Variants in PPM1H observed in about 807,000 individuals in gnomAD.
PPM1H encodes the protein protein phosphatase, Mg2+/Mn2+ dependent 1H.
A neutral mutation model predicts 54.9 loss-of-function variants in PPM1H; 27 were observed. That is an observed-to-expected ratio of 0.49 (90% CI 0.36 to 0.68). PPM1H has a LOEUF of 0.68. PPM1H is among the 30% of genes least tolerant of loss of function. PPM1H has a pLI of 0.00. For synonymous variants in PPM1H, 305 were observed against 270.8 expected, an observed-to-expected ratio of 1.13 and a Z score of -1.24; for missense variants, 596 against 667.8, an observed-to-expected ratio of 0.89 and a Z score of 1.19.
intron 9 of PPM1H, among the ~76,000 whole-genome samples, chr12:62,661,941 C>T (rs1450857250): frequency 2.0e-5 from 3 of 151,110 alleles, no homozygotes; most frequent in Admixed American, 2.0e-4. Context: ...TTCATTCATT[C>T]ATCCATCTGA....
At chr12:62,821,290 T>A (rs2076901910) in intron 2 of PPM1H, among the ~76,000 whole-genome samples, 1 of 152,134 alleles carries the variant, frequency 6.6e-6, no homozygotes, top group South Asian at 2.1e-4. Context: ...CAAATCTACA[T>A]TTGTTTGGTG....
intron 1 of PPM1H, among the ~76,000 whole-genome samples, chr12:62,846,826 C>T (rs1240687292): frequency 4.6e-5 from 7 of 152,170 alleles, no homozygotes; most frequent in Non-Finnish European, 8.8e-5. Context: ...GTAAGTAGCA[C>T]AGTGCTCATA....
intron 8 of PPM1H, among the ~76,000 whole-genome samples, chr12:62,668,587 A>T (rs1247736070): frequency 6.6e-6 from 1 of 152,134 alleles, no homozygotes; most frequent in Non-Finnish European, 1.5e-5. Flanking sequence ...GCTGGGTCCC[A>T]GCTGGTCTGG....
At chr12:62,914,084 C>T (rs1871546198) in intron 1 of PPM1H, among the ~76,000 whole-genome samples, 1 of 152,166 alleles carries the variant, frequency 6.6e-6, no homozygotes, top group African/African-American at 2.4e-5. Flanking sequence ...AATCTGATCC[C>T]CAATGTTGAA....
At chr12:62,781,825 T>A (rs118156684) in intron 4 of PPM1H, among the ~76,000 whole-genome samples, 96 of 152,334 alleles carry the variant, frequency 6.3e-4, no homozygotes, top group Non-Finnish European at 1.3e-3. Context: ...GAGCCATCAC[T>A]TGGTTTCTGT....
intron 1 of PPM1H, among the ~76,000 whole-genome samples, chr12:62,835,358 G>A (rs756355451): frequency 2.0e-5 from 3 of 152,224 alleles, no homozygotes; most frequent in African/African-American, 7.2e-5. Context: ...CATGACTGGC[G>A]CAAGGTCACA....
intron 4 of PPM1H, among the ~76,000 whole-genome samples, chr12:62,749,457 TGCA>T (rs769044444): frequency 6.6e-6 from 1 of 152,206 alleles, no homozygotes; most frequent in Non-Finnish European, 1.5e-5. Context: ...TCTGTTTGGA[TGCA>T]GCAGAAGTGT....
intron 1 of PPM1H, among the ~76,000 whole-genome samples, chr12:62,846,655 C>T (rs1178771958): frequency 6.6e-6 from 1 of 152,010 alleles, no homozygotes; most frequent in South Asian, 2.1e-4. Flanking sequence ...ACAAAAAGCA[C>T]CCAGTTGCTA....
intron 1 of PPM1H, among the ~76,000 whole-genome samples, chr12:62,881,317 G>A (rs1870385989): frequency 6.6e-6 from 1 of 152,054 alleles, no homozygotes; most frequent in Non-Finnish European, 1.5e-5. Context: ...AAGGGATTTT[G>A]CAGATGTAAT....
At chr12:62,663,915 T>C (rs1041457131) in intron 9 of PPM1H, among the ~76,000 whole-genome samples, 24 of 151,446 alleles carry the variant, frequency 1.6e-4, no homozygotes, top group Non-Finnish European at 2.2e-4. Flanking sequence ...TGCTTGAACC[T>C]GGCAGGCGGA....
intron 6 of PPM1H, among the ~76,000 whole-genome samples, chr12:62,695,338 G>C (rs1350792513): frequency 6.6e-6 from 1 of 152,044 alleles, no homozygotes; most frequent in African/African-American, 2.4e-5. Flanking sequence ...AGTCCCTCAG[G>C]ATCCTCATTA....
chr12:62,722,693 T>G (rs993510841), intron 5 of PPM1H, among the ~76,000 whole-genome samples: 16 of 152,098 alleles, frequency 1.1e-4, no homozygotes, highest in Non-Finnish European at 1.2e-4. Context: ...ATTTATAACA[T>G]TAAATAACTA....
At chr12:62,720,366 G>T in intron 5 of PPM1H, 77 bp from the exon 6 acceptor site, 1 of 1,154,696 alleles carries the variant, frequency 8.7e-7, no homozygotes, top group Non-Finnish European at 1.3e-6. Flanking sequence ...AGGATGTTTT[G>T]CAAATTGAGA....
At chr12:62,753,759 C>A (rs541472048) in intron 4 of PPM1H, among the ~76,000 whole-genome samples, 1 of 151,982 alleles carries the variant, frequency 6.6e-6, no homozygotes, top group Non-Finnish European at 1.5e-5. Context: ...TTCTCTCCCC[C>A]TCTCTCTGGC....
chr12:62,933,228 C>G (rs1872205537), intron 1 of PPM1H, among the ~76,000 whole-genome samples: 1 of 152,154 alleles, frequency 6.6e-6, no homozygotes, highest in African/African-American at 2.4e-5. Context: ...TTTTCCATTT[C>G]AGCCCATGGA....
rs763292497 is a variant in PPM1H, at chr12:62,689,792, T to G, written c.1152A>C (p.Ala384=). Residue 384 remains alanine, a synonymous_variant, in exon 8 of 10, where the codon GCA becomes GCC. Coordinates refer to ENST00000228705, the MANE Select transcript of PPM1H (RefSeq NM_020700.2). The part of the protein sequence containing the change: ...YGEGKKARVM[A]TIGVTRGLGD... ...CAAGTCCCCTGGTCACTCCAATAGT[T>G]GCCATTACCCGGGCCTAGGAGTATA... The G allele has an allele frequency of 5.9e-5, 95 of 1,612,852 alleles. 3 individuals are homozygous for G. The South Asian group carries it at 1.0e-3, about 17-fold the overall frequency.
At chr12:62,652,908 T>C (rs962570184) in intron 9 of PPM1H, among the ~76,000 whole-genome samples, 2 of 152,198 alleles carry the variant, frequency 1.3e-5, no homozygotes, top group African/African-American at 4.8e-5. Flanking sequence ...TTTTAGTAAT[T>C]TTTTTAACAA....
At chr12:62,679,424 G>A (rs1446780226) in intron 8 of PPM1H, among the ~76,000 whole-genome samples, 1 of 152,204 alleles carries the variant, frequency 6.6e-6, no homozygotes, top group Non-Finnish European at 1.5e-5. Flanking sequence ...ATGCAGGACT[G>A]GAGAGTGGAT....
intron 9 of PPM1H, among the ~76,000 whole-genome samples, chr12:62,649,212 AATTT>A (rs2075803141): frequency 6.7e-6 from 1 of 150,150 alleles, no homozygotes; most frequent in South Asian, 2.1e-4. Flanking sequence ...TTTTTTTTTT[AATTT>A]ATTTAATTTT....
Sources: allele counts gnomAD v4.1 joint callset (sites outside exome capture counted in the v4.1 genomes callset), GRCh38; gene constraint gnomAD v4.1.1; transcripts MANE v1.5; gene names NCBI Gene and HGNC (gene_info 2026-07-23, HGNC 2026-07-21).